The following STYK1 variants were observed in gnomAD, a reference collection of about 807,000 sequenced individuals.
STYK1 encodes the protein tyrosine-protein kinase STYK1.
Under a neutral mutation model 48.1 loss-of-function variants are expected in STYK1, and 46 were observed. The ratio of observed to expected loss-of-function variants is 0.96; its 90% CI spans 0.75 to 1.22. The LOEUF is 1.22. Among genes scored for constraint, STYK1 ranks in the 50% most tolerant of loss-of-function variants. STYK1 has a pLI of 0.00. For missense variants in STYK1, 527 were observed against 521.1 expected (o/e 1.01, Z -0.11); for synonymous variants, 188 against 189.0 (o/e 0.99, Z 0.04).
intron 3 of STYK1, 62 bp from the exon 4 acceptor site, chr12:10,634,186 A>G: frequency 6.4e-7 from 1 of 1,566,138 alleles, no homozygotes; most frequent in South Asian, 1.2e-5. Context: ...TGTTCATGCA[A>G]TTTCCCCTAC....
At chr12:10,648,046 T>C (rs1361958899) in intron 1 of STYK1, among the ~76,000 whole-genome samples, 1 of 152,164 alleles carries the variant, frequency 6.6e-6, no homozygotes, top group East Asian at 1.9e-4. Flanking sequence ...GAGATTATGA[T>C]GATTATAAAC....
At chr12:10,632,416 T>C (rs977742763) in intron 4 of STYK1, among the ~76,000 whole-genome samples, 1 of 152,038 alleles carries the variant, frequency 6.6e-6, no homozygotes, top group African/African-American at 2.4e-5. Flanking sequence ...ATAGCTGCAA[T>C]AGTTGAGAAA....
intron 5 of STYK1, 130 bp downstream of exon 5, chr12:10,630,915 T>A: frequency 8.2e-7 from 1 of 1,217,706 alleles, no homozygotes; most frequent in Non-Finnish European, 1.1e-6. Context: ...CTGCCTCAAG[T>A]TTCCACTCTA....
Position 10,624,715 on chromosome 12 carries a change from T to A in STYK1, c.862A>T (p.Ile288Leu), listed in dbSNP as rs1362904499. The part of the protein sequence containing the change: ...TRGAISSTQT[I>L]PLKWLAPERL... Reference sequence around the variant, plus strand: ...TCTGGGGCAAGCCACTTGAGAGGTATGGTTTGAGTAGAGGAGATGGCCCCT... The same window carrying A: ...TCTGGGGCAAGCCACTTGAGAGGTAAGGTTTGAGTAGAGGAGATGGCCCCT... Residue 288 changes from isoleucine to leucine, a missense_variant, in exon 8 of 11, where the codon ATA becomes TTA. Coordinates refer to ENST00000075503, the MANE Select transcript of STYK1 (RefSeq NM_018423.3). 3.7e-6 allele frequency: 6 copies of A among 1,614,014 alleles called. No homozygotes were observed. Among genetic ancestry groups the A allele is most frequent in the South Asian group, 1.1e-5 (1 of 91,090 alleles).
At chr12:10,638,587 A>G (rs1342832186) in intron 1 of STYK1, among the ~76,000 whole-genome samples, 1 of 152,226 alleles carries the variant, frequency 6.6e-6, no homozygotes, top group Non-Finnish European at 1.5e-5. Flanking sequence ...GCATTTAGGC[A>G]TCTATTTTAA....
intron 1 of STYK1, among the ~76,000 whole-genome samples, chr12:10,637,756 A>G (rs1359968403): frequency 6.6e-6 from 1 of 152,194 alleles, no homozygotes; most frequent in Non-Finnish European, 1.5e-5. Context: ...GGATGCTTAT[A>G]TTTACTTGTA....
chr12:10,658,125 T>A (rs983216782), intron 1 of STYK1, among the ~76,000 whole-genome samples: 4 of 152,232 alleles, frequency 2.6e-5, no homozygotes, highest in African/African-American at 9.6e-5. Context: ...TCAGTTTTTC[T>A]GTAAATTGAA....
At chr12:10,663,443 C>T (rs576667545) in intron 1 of STYK1, among the ~76,000 whole-genome samples, 2 of 151,520 alleles carry the variant, frequency 1.3e-5, no homozygotes, top group Non-Finnish European at 2.9e-5. Flanking sequence ...ACTAAAAATA[C>T]AAAAAATTAG....
At chr12:10,670,786 A>G (rs1168319184) in intron 1 of STYK1, among the ~76,000 whole-genome samples, 1 of 151,060 alleles carries the variant, frequency 6.6e-6, no homozygotes, top group Non-Finnish European at 1.5e-5. Context: ...AGCTTAATTT[A>G]ACTATTCCAC....
Position 10,631,154 on chromosome 12 carries a change from A to T in STYK1, c.342T>A (p.Ser114=). Residue 114 remains serine, a synonymous_variant, in exon 5 of 11, where the codon TCT becomes TCA. Coordinates refer to ENST00000075503, the MANE Select transcript of STYK1 (RefSeq NM_018423.3). ...CACTGCAAATCTGCTCCAGAACTTC[A>T]GAGAGTTGCTCCCGCGGCACCTGCA... ...AKLQVPREQL[S]EVLEQICSGS... The T allele has an allele frequency of 6.2e-7, 1 of 1,614,226 alleles. No homozygotes were observed. The highest frequency in any genetic ancestry group is 8.5e-7 in the Non-Finnish European group (1 of 1,180,036).
intron 1 of STYK1, among the ~76,000 whole-genome samples, chr12:10,658,525 C>A (rs1382726251): frequency 6.6e-6 from 1 of 152,062 alleles, no homozygotes; most frequent in Non-Finnish European, 1.5e-5. Context: ...TTACGGTGAC[C>A]TGAGATTCTA....
At chr12:10,661,866 T>C (rs1279384623) in intron 1 of STYK1, among the ~76,000 whole-genome samples, 1 of 152,220 alleles carries the variant, frequency 6.6e-6, no homozygotes, top group Non-Finnish European at 1.5e-5. Flanking sequence ...AATTGAGATA[T>C]AATTCATATA....
rs921552958 is a variant in STYK1 at position 10,620,003 on chromosome 12, C to T, written c.*141G>A. 6.4e-6 allele frequency: 6 copies of T among 931,282 alleles called. No individual in the cohort carries two copies. In the Admixed American group the frequency reaches 1.0e-4, roughly 16 times the overall value. The allele number at this position is 931,282 out of a possible 1,614,324, so 57.7% of individuals were successfully genotyped here. A position where few individuals can be genotyped will look rare whatever the true frequency, so the allele number is the denominator to read the frequency against. On this transcript the variant is annotated 3_prime_UTR_variant, in exon 11 of 11. Coordinates refer to ENST00000075503, the MANE Select transcript of STYK1 (RefSeq NM_018423.3). The stretch of plus-strand genomic sequence containing the variant: ...TCCCATCCAGCATCATTTCAGATTT[C>T]CCGAGAAATGTGTAAAGGAAGATCA...
chr12:10,631,087 C>T lies in STYK1; in HGVS notation c.409G>A (p.Asp137Asn). 1 of 1,614,118 alleles carries T rather than the reference C, an allele frequency of 6.2e-7. No individual in the cohort carries two copies. The highest frequency in any genetic ancestry group is 8.5e-7 in the Non-Finnish European group (1 of 1,180,032). The change falls in exon 5 of 11, where the codon GAC becomes AAC. Residue 137 changes from aspartate to asparagine, a missense_variant. By Grantham distance (23) the Asp-to-Asn change is conservative. Coordinates refer to ENST00000075503, the MANE Select transcript of STYK1 (RefSeq NM_018423.3). ...PIFRANMNTG[D>N]PSKPKSVILK... ...ATAACACTCTTGGGCTTAGAAGGGT[C>T]CCCAGTGTTCATATTGGCTCGAAAG...
chr12:10,633,033 T>C (rs765619355), intron 4 of STYK1, among the ~76,000 whole-genome samples: 19 of 152,152 alleles, frequency 1.2e-4, no homozygotes, highest in South Asian at 8.3e-4. Flanking sequence ...GAGAATTGAG[T>C]TCAAGGGACT....
chr12:10,644,499 C>A (rs931600018), intron 1 of STYK1, among the ~76,000 whole-genome samples: 3 of 152,122 alleles, frequency 2.0e-5, no homozygotes, highest in South Asian at 2.1e-4. Flanking sequence ...TACTTGTGAA[C>A]CTTTAATCAT....
intron 1 of STYK1, among the ~76,000 whole-genome samples, chr12:10,655,401 T>C (rs1947707148): frequency 6.6e-6 from 1 of 152,228 alleles, no homozygotes; most frequent in Non-Finnish European, 1.5e-5. Flanking sequence ...TGGCTCAAAA[T>C]TGTCTGCTCC....
chr12:10,669,259 G>T (rs553606632), intron 1 of STYK1, among the ~76,000 whole-genome samples: 2 of 152,250 alleles, frequency 1.3e-5, no homozygotes, highest in East Asian at 3.9e-4. Context: ...AAGTACAAGG[G>T]GGAATGGGGA....
intron 1 of STYK1, chr12:10,640,782 T>A (rs1467912980): frequency 6.6e-6 from 1 of 152,184 alleles, no homozygotes; most frequent in Non-Finnish European, 1.5e-5. Flanking sequence ...TTAGTCTATA[T>A]CCTGGTACCT....
Sources: allele counts gnomAD v4.1 joint callset (sites outside exome capture counted in the v4.1 genomes callset), GRCh38; gene constraint gnomAD v4.1.1; transcripts MANE v1.5; gene names NCBI Gene and HGNC (gene_info 2026-07-23, HGNC 2026-07-21).